STPG2: variants seen among roughly 807,000 people sequenced by gnomAD.
The protein encoded by STPG2 is sperm tail PG-rich repeat containing 2, also known as sperm-tail PG-rich repeat-containing protein 2.
STPG2 carries 56 observed loss-of-function variants against 54.2 expected under a neutral mutation model. The observed-to-expected ratio is 1.03, with a 90% CI of 0.83 to 1.29. The LOEUF is 1.29. STPG2 is among the 50% of genes most tolerant of loss of function. STPG2 has a pLI of 0.00. For synonymous variants in STPG2, 200 were observed against 181.8 expected, an observed-to-expected ratio of 1.10 and a Z score of -0.81; for missense variants, 596 against 544.9, an observed-to-expected ratio of 1.09 and a Z score of -0.93.
intron 10 of STPG2, among the ~76,000 whole-genome samples, chr4:97,673,673 A>ATT (rs34393242): frequency 6.0e-5 from 9 of 149,908 alleles, no homozygotes; most frequent in African/African-American, 2.0e-4. Flanking sequence ...ACGGCTTTAT[A>ATT]TTTTTTTTTT....
intron 9 of STPG2, among the ~76,000 whole-genome samples, chr4:97,722,901 C>T (rs766443208): frequency 2.0e-5 from 3 of 150,504 alleles, no homozygotes; most frequent in Admixed American, 6.6e-5. Flanking sequence ...GGGTTCACGC[C>T]ATTCTCCTGC....
At chr4:97,448,747 T>G (rs568433039) in intron 4 of STPG2, among the ~76,000 whole-genome samples, 8 of 152,286 alleles carry the variant, frequency 5.3e-5, no homozygotes, top group African/African-American at 1.9e-4. Context: ...CACCATTTAG[T>G]AGATTATATT....
intron 9 of STPG2, among the ~76,000 whole-genome samples, chr4:97,782,245 A>G (rs1287789630): frequency 6.6e-6 from 1 of 152,226 alleles, no homozygotes; most frequent in Non-Finnish European, 1.5e-5. Context: ...CTCAGGATAC[A>G]AAATCAATGT....
chr4:97,840,879 T>A lies in STPG2; in HGVS notation c.1098A>T (p.Gln366His), dbSNP rs758162832. The A allele has an allele frequency of 6.2e-7, 1 of 1,612,022 alleles. No individual in the cohort carries two copies. Among genetic ancestry groups the A allele is most frequent in the South Asian group, 1.1e-5 (1 of 91,028 alleles). Residue 366 changes from glutamine (Q) to histidine (H), a missense_variant, in exon 9 of 11, where the codon CAA becomes CAT. By Grantham distance (24) the Gln-to-His change is conservative. Coordinates refer to ENST00000295268, the MANE Select transcript of STPG2 (RefSeq NM_174952.3). ...GAGGTGGCATATATTTATGCTTAACTTGGGACATCTCATATGATTTGTGAA... is the reference window on the plus strand; with the variant it reads ...GAGGTGGCATATATTTATGCTTAACATGGGACATCTCATATGATTTGTGAA... ...YDVHKSYEMS[Q>H]VKHKYMPPRS...
At chr4:97,845,659 A>C (rs1359097344) in intron 8 of STPG2, among the ~76,000 whole-genome samples, 1 of 152,216 alleles carries the variant, frequency 6.6e-6, no homozygotes, top group Non-Finnish European at 1.5e-5. Context: ...TACACCAATG[A>C]GTAAGTCTTG....
intron 1 of STPG2, among the ~76,000 whole-genome samples, chr4:98,141,855 GAGA>G (rs1740290355): frequency 6.7e-6 from 1 of 148,808 alleles, no homozygotes; most frequent in African/African-American, 2.5e-5. Context: ...TGGAGAGGGG[GAGA>G]AGATGATGCC....
At chr4:97,695,307 A>G (rs1723533929) in intron 10 of STPG2, among the ~76,000 whole-genome samples, 1 of 152,206 alleles carries the variant, frequency 6.6e-6, no homozygotes, top group Non-Finnish European at 1.5e-5. Context: ...TTTATGATTA[A>G]AACCCTCAGC....
intron 1 of STPG2, among the ~76,000 whole-genome samples, chr4:98,142,439 C>T (rs956902563): frequency 2.6e-5 from 4 of 151,846 alleles, no homozygotes; most frequent in Non-Finnish European, 5.9e-5. Flanking sequence ...ACGAGGAGAG[C>T]AAATATTATT....
intron 8 of STPG2, among the ~76,000 whole-genome samples, chr4:97,936,138 C>G (rs750427379): frequency 2.0e-5 from 3 of 152,024 alleles, no homozygotes; most frequent in Non-Finnish European, 4.4e-5. Flanking sequence ...TGTAATGCCC[C>G]TCTTTGTCTT....
intron 8 of STPG2, among the ~76,000 whole-genome samples, chr4:97,902,942 T>G (rs566951262): frequency 1.3e-5 from 2 of 152,222 alleles, no homozygotes; most frequent in Admixed American, 1.3e-4. Flanking sequence ...GATATATATA[T>G]TTATATGAAT....
At chr4:97,938,914 C>A (rs1027293282) in intron 8 of STPG2, among the ~76,000 whole-genome samples, 1 of 151,756 alleles carries the variant, frequency 6.6e-6, no homozygotes, top group East Asian at 1.9e-4. Flanking sequence ...TTGGGTCTGC[C>A]CCTCCTTTTC....
chr4:97,957,919 C>A (rs866704332), intron 7 of STPG2, among the ~76,000 whole-genome samples: 2 of 152,030 alleles, frequency 1.3e-5, no homozygotes, highest in African/African-American at 4.8e-5. Context: ...CTAAAAGGAG[C>A]CCTAAATTTT....
chr4:97,963,289 C>T (rs1733959436), intron 7 of STPG2, among the ~76,000 whole-genome samples: 1 of 152,068 alleles, frequency 6.6e-6, no homozygotes, highest in African/African-American at 2.4e-5. Context: ...AAACTATTAA[C>T]ATTCATGATG....
At chr4:97,741,273 T>G (rs1199174762) in intron 9 of STPG2, among the ~76,000 whole-genome samples, 2 of 152,164 alleles carry the variant, frequency 1.3e-5, no homozygotes, top group African/African-American at 4.8e-5. Context: ...GAAGAAAACC[T>G]AGGCATTATC....
chr4:98,121,859 C>T (rs1307748370), intron 3 of STPG2, among the ~76,000 whole-genome samples: 1 of 152,002 alleles, frequency 6.6e-6, no homozygotes, highest in African/African-American at 2.4e-5. Flanking sequence ...GTAGCTGGGA[C>T]TACAGGCGTG....
intron 9 of STPG2, among the ~76,000 whole-genome samples, chr4:97,741,517 G>GA (rs1294871564): frequency 4.6e-5 from 7 of 151,582 alleles, no homozygotes; most frequent in Non-Finnish European, 8.8e-5. Context: ...AAATTTACAA[G>GA]AAAAAAACAA....
chr4:97,525,218 C>A (rs1439050646), intron 4 of STPG2, among the ~76,000 whole-genome samples: 2 of 151,692 alleles, frequency 1.3e-5, no homozygotes, highest in African/African-American at 4.8e-5. Context: ...ATATATTTAA[C>A]TTTCACTTGA....
chr4:97,887,835 G>T (rs1234245699), intron 8 of STPG2, among the ~76,000 whole-genome samples: 1 of 152,192 alleles, frequency 6.6e-6, no homozygotes, highest in Non-Finnish European at 1.5e-5. Context: ...AAGCCTAGGA[G>T]AACAGAATGG....
chr4:98,042,543 A>G (rs897863937), intron 5 of STPG2, among the ~76,000 whole-genome samples: 1 of 151,940 alleles, frequency 6.6e-6, no homozygotes, highest in African/African-American at 2.4e-5. Context: ...CATTTCAAAA[A>G]AAATCAATTT....
Sources: gnomAD v4.1 joint callset for allele counts (sites outside exome capture counted in the v4.1 genomes callset) on GRCh38, gnomAD v4.1.1 for gene constraint, MANE v1.5 for transcripts, NCBI Gene and HGNC (gene_info 2026-07-23, HGNC 2026-07-21) for gene names.